FAM83B: variants seen among roughly 807,000 people sequenced by gnomAD.
The protein encoded by FAM83B is scaffolding CK1 anchoring protein B.
FAM83B carries 26 observed loss-of-function variants against 38.8 expected under a neutral mutation model. The ratio of observed to expected loss-of-function variants is 0.67; its 90% CI spans 0.49 to 0.93. The LOEUF is 0.93. FAM83B is among the 40% of genes least tolerant of loss of function. The pLI is 0.00. For synonymous variants in FAM83B, 419 were observed against 423.1 expected, an observed-to-expected ratio of 0.99 and a Z score of 0.12; for missense variants, 1,237 against 1,197.3, an observed-to-expected ratio of 1.03 and a Z score of -0.49.
intron 2 of FAM83B, among the ~76,000 whole-genome samples, chr6:54,885,636 C>T (rs565636138): frequency 6.6e-6 from 1 of 152,012 alleles, no homozygotes. Flanking sequence ...GGTACGTGTT[C>T]CATTGCAATG....
intron 3 of FAM83B, 98 bp from the exon 4 acceptor site, chr6:54,927,409 AT>A (rs903856770): frequency 5.7e-5 from 57 of 994,002 alleles, no homozygotes; most frequent in Admixed American, 4.2e-4. Context: ...CCTTAAGTAA[AT>A]TTTTTTATAT....
At chr6:54,876,146 C>G (rs1393643325) in intron 2 of FAM83B, among the ~76,000 whole-genome samples, 1 of 151,328 alleles carries the variant, frequency 6.6e-6, no homozygotes, top group Non-Finnish European at 1.5e-5. Context: ...AAGAATTTAG[C>G]TTTAAAAAGA....
intron 1 of FAM83B, among the ~76,000 whole-genome samples, chr6:54,861,406 A>T (rs1771579021): frequency 6.6e-6 from 1 of 152,064 alleles, no homozygotes; most frequent in Non-Finnish European, 1.5e-5. Context: ...AATACAAAAA[A>T]ATTAGCCAGG....
chr6:54,905,642 T>A (rs570968839), intron 2 of FAM83B, among the ~76,000 whole-genome samples: 6 of 152,358 alleles, frequency 3.9e-5, no homozygotes, highest in Admixed American at 3.3e-4. Context: ...GTCTTTACTA[T>A]TTTCTTAATT....
Position 54,941,656 on chromosome 6 carries a change from A to G in FAM83B, c.2685A>G (p.Gln895=), listed in dbSNP as rs139561303. 2.1e-5 allele frequency: 34 copies of G among 1,614,118 alleles called. No individual in the cohort carries two copies. The African/African-American group carries it at 4.3e-4, about 20-fold the overall frequency. The change falls in exon 5 of 5, where the codon CAA becomes CAG. Residue 895 remains glutamine, a synonymous_variant. Transcript: ENST00000306858. Reference sequence around the variant, plus strand: ...CAAGATTTAACACTGAACAGATCCAATACCGAGATTCAAGGGAGATTAATG... The same window carrying G: ...CAAGATTTAACACTGAACAGATCCAGTACCGAGATTCAAGGGAGATTAATG... ...SAPRFNTEQI[Q]YRDSREINAV...
chr6:54,877,900 A>G (rs1233672259), intron 2 of FAM83B, among the ~76,000 whole-genome samples: 1 of 152,216 alleles, frequency 6.6e-6, no homozygotes. Flanking sequence ...GATTGAGATC[A>G]GTGGGTGTAG....
intron 1 of FAM83B, among the ~76,000 whole-genome samples, chr6:54,860,879 A>G (rs1771567064): frequency 6.6e-6 from 1 of 152,214 alleles, no homozygotes; most frequent in Non-Finnish European, 1.5e-5. Flanking sequence ...TCTCTTGTGT[A>G]CATGTTCACA....
chr6:54,877,369 G>A (rs75926503), intron 2 of FAM83B, among the ~76,000 whole-genome samples: 1 of 152,134 alleles, frequency 6.6e-6, no homozygotes, highest in Non-Finnish European at 1.5e-5. Flanking sequence ...AAGTCATGAA[G>A]GTTTGCCATG....
intron 2 of FAM83B, among the ~76,000 whole-genome samples, chr6:54,898,783 A>G (rs1172519973): frequency 1.3e-5 from 2 of 152,032 alleles, no homozygotes; most frequent in East Asian, 1.9e-4. Flanking sequence ...AATTGGTTCT[A>G]TTTTCTCTAT....
chr6:54,941,104 C>A lies in FAM83B; in HGVS notation c.2133C>A (p.His711Gln), dbSNP rs1184032065. ...TGCTGAAAAGTTCTAAAAGCATGCA[C>A]AATGTGACTCATAACTTGGAGGAGG... is the stretch of plus-strand genomic sequence containing the variant. ...EDLLKSSKSM[H>Q]NVTHNLEEDE... The change falls in exon 5 of 5, where the codon CAC becomes CAA. Residue 711 changes from histidine to glutamine, a missense_variant. Coordinates refer to ENST00000306858, the MANE Select transcript of FAM83B (RefSeq NM_001010872.3). 1.2e-6 allele frequency: 2 copies of A among 1,613,612 alleles called. No individual in the cohort carries two copies. The highest frequency in any genetic ancestry group is 4.5e-5 in the East Asian group (2 of 44,844).
chr6:54,847,953 C>G (rs1381072087), intron 1 of FAM83B, among the ~76,000 whole-genome samples: 3 of 152,096 alleles, frequency 2.0e-5, no homozygotes, highest in Non-Finnish European at 4.4e-5. Flanking sequence ...TGGCAGGCAC[C>G]TCCCTTCTTT....
At chr6:54,904,182 T>C (rs1772725764) in intron 2 of FAM83B, among the ~76,000 whole-genome samples, 1 of 152,196 alleles carries the variant, frequency 6.6e-6, no homozygotes, top group Non-Finnish European at 1.5e-5. Context: ...AAAGACTCTT[T>C]CTCTCCTGAA....
chr6:54,872,587 T>G (rs1216366653), intron 2 of FAM83B, among the ~76,000 whole-genome samples: 1 of 152,216 alleles, frequency 6.6e-6, no homozygotes, highest in East Asian at 1.9e-4. Context: ...ATTATTGTGA[T>G]ACAAAATGTT....
rs1254043775 is a variant in FAM83B, at chr6:54,941,099, A to G, written c.2128A>G (p.Met710Val). 1.2e-6 allele frequency: 2 copies of G among 1,613,518 alleles called. No homozygotes were observed. The highest frequency in any genetic ancestry group is 2.2e-5 in the East Asian group (1 of 44,852). ...KEDLLKSSKS[M>V]HNVTHNLEED... ...AGATTTGCTGAAAAGTTCTAAAAGC[A>G]TGCACAATGTGACTCATAACTTGGA... Residue 710 changes from methionine to valine, a missense_variant, in exon 5 of 5, where the codon ATG (methionine) becomes GTG (valine). Transcript: ENST00000306858.
At chr6:54,912,101 T>C (rs552118838) in intron 2 of FAM83B, among the ~76,000 whole-genome samples, 2 of 152,110 alleles carry the variant, frequency 1.3e-5, no homozygotes, top group East Asian at 3.9e-4. Context: ...AACTGTCTGC[T>C]TGAGGATATA....
rs1356935440 is a variant in FAM83B, at chr6:54,940,735, G to A, written c.1764G>A (p.Gln588=). The A allele has an allele frequency of 1.9e-6, 3 of 1,613,968 alleles. No homozygotes were observed. Among genetic ancestry groups the A allele is most frequent in the Non-Finnish European group, 2.5e-6 (3 of 1,179,984 alleles). The stretch of plus-strand genomic sequence containing the variant: ...TCCCAGACACCCCTACGAATGTACA[G>A]CATTTGACAGACAAACCCTTGCCAG... The part of the protein sequence containing the change: ...KEVPDTPTNV[Q]HLTDKPLPES... The change falls in exon 5 of 5, where the codon CAG becomes CAA. Residue 588 remains glutamine, a synonymous_variant. Transcript: ENST00000306858.
At chr6:54,905,174 A>G (rs1211334296) in intron 2 of FAM83B, among the ~76,000 whole-genome samples, 2 of 152,030 alleles carry the variant, frequency 1.3e-5, no homozygotes, top group Admixed American at 1.3e-4. Context: ...CTGCAAAGAA[A>G]ATATAAGATG....
chr6:54,920,689 C>T (rs1458962860), intron 2 of FAM83B, among the ~76,000 whole-genome samples: 1 of 151,862 alleles, frequency 6.6e-6, no homozygotes, highest in East Asian at 1.9e-4. Context: ...CATTTATTTT[C>T]ACTTTTCTTA....
intron 2 of FAM83B, among the ~76,000 whole-genome samples, chr6:54,906,687 A>G (rs1581914443): frequency 6.6e-6 from 1 of 152,126 alleles, no homozygotes; most frequent in East Asian, 1.9e-4. Context: ...TCTGGCCGAG[A>G]AAACAATTAT....
Sources: allele counts gnomAD v4.1 joint callset (sites outside exome capture counted in the v4.1 genomes callset), GRCh38; gene constraint gnomAD v4.1.1; transcripts MANE v1.5; gene names NCBI Gene and HGNC (gene_info 2026-07-23, HGNC 2026-07-21).